LSM3: variants seen among roughly 807,000 people sequenced by gnomAD.
LSM3 encodes the protein U6 snRNA-associated Sm-like protein LSm3.
LSM3 carries 14 observed loss-of-function variants against 15.4 expected under a neutral mutation model. The ratio of observed to expected loss-of-function variants is 0.91; its 90% CI spans 0.60 to 1.42. The LOEUF is 1.42. Ranked by LOEUF, LSM3 falls within the 40% of genes most tolerant of loss-of-function variation. LSM3 has a pLI of 0.00. For missense variants in LSM3, 88 were observed against 127.9 expected (o/e 0.69, Z 1.50); for synonymous variants, 46 against 45.1 (o/e 1.02, Z -0.08).
intron 3 of LSM3, among the ~76,000 whole-genome samples, chr3:14,186,604 A>T (rs894365009): frequency 2.0e-5 from 3 of 151,924 alleles, no homozygotes; most frequent in Admixed American, 6.6e-5. Context: ...TTCTTTTTTT[A>T]AAATTTTTAC....
intron 2 of LSM3, among the ~76,000 whole-genome samples, chr3:14,183,423 G>A (rs1697058415): frequency 6.6e-6 from 1 of 152,196 alleles, no homozygotes; most frequent in South Asian, 2.1e-4. Context: ...TGGGCAGGGT[G>A]TTGCTCTACT....
intron 3 of LSM3, among the ~76,000 whole-genome samples, chr3:14,192,347 T>A (rs1236417937): frequency 6.6e-6 from 1 of 152,224 alleles, no homozygotes; most frequent in East Asian, 1.9e-4. Context: ...GTTAATTTTC[T>A]GTCTCGTTGA....
At chr3:14,181,702 A>C (rs1259766789) in intron 2 of LSM3, 32 bp downstream of exon 2, 1 of 1,454,482 alleles carries the variant, frequency 6.9e-7, no homozygotes. Context: ...CCTTGAAATC[A>C]GATTCCTTCC....
chr3:14,185,262 G>C (rs1697078073), intron 3 of LSM3, among the ~76,000 whole-genome samples: 1 of 152,150 alleles, frequency 6.6e-6, no homozygotes, highest in East Asian at 1.9e-4. Flanking sequence ...TGAGGCAGGA[G>C]AATCACTTGA....
chr3:14,184,137 A>G, intron 3 of LSM3, 105 bp downstream of exon 3: 1 of 1,388,398 alleles, frequency 7.2e-7, no homozygotes, highest in Non-Finnish European at 9.5e-7. Context: ...ACACCTACTT[A>G]TGGACTCAGT....
intron 3 of LSM3, among the ~76,000 whole-genome samples, chr3:14,187,333 T>C (rs1268726592): frequency 1.3e-5 from 2 of 152,262 alleles, no homozygotes; most frequent in African/African-American, 4.8e-5. Flanking sequence ...GCTGCGTGCA[T>C]GTGGCCTCTC....
chr3:14,180,131 G>A (rs904154370), intron 1 of LSM3, among the ~76,000 whole-genome samples: 1 of 152,120 alleles, frequency 6.6e-6, no homozygotes, highest in Non-Finnish European at 1.5e-5. Flanking sequence ...TACTGAAGAA[G>A]CTCTCCTTGA....
Position 14,192,386 on chromosome 3 carries a change from A to G in LSM3, c.229-5650A>G, listed in dbSNP as rs533302222. Reference sequence around the variant, plus strand: ...GTCTGATATTGACAGTGGGGTGTTAAAGTCTCCCGCAATTATTGTGTGGGA... The same window carrying G: ...GTCTGATATTGACAGTGGGGTGTTAGAGTCTCCCGCAATTATTGTGTGGGA... On this transcript the variant is annotated intron_variant, in intron 3 of 3. Transcript: ENST00000306024. Among the ~76,000 whole-genome samples, 12 of 152,272 alleles carry G rather than the reference A, an allele frequency of 7.9e-5. No homozygotes were observed. In the South Asian group the frequency reaches 8.3e-4, roughly 11 times the overall value.
chr3:14,184,758 A>C (rs1697071868), intron 3 of LSM3, among the ~76,000 whole-genome samples: 1 of 147,264 alleles, frequency 6.8e-6, no homozygotes, highest in Non-Finnish European at 1.5e-5. Flanking sequence ...CTCCGTCTCA[A>C]AAAAAAAAAA....
intron 3 of LSM3, among the ~76,000 whole-genome samples, chr3:14,192,876 G>A (rs1366602861): frequency 6.6e-6 from 1 of 152,198 alleles, no homozygotes; most frequent in Non-Finnish European, 1.5e-5. Context: ...TAGTGTCAAT[G>A]TTATTTACAA....
intron 2 of LSM3, among the ~76,000 whole-genome samples, chr3:14,182,755 C>T (rs1697051646): frequency 6.6e-6 from 1 of 152,088 alleles, no homozygotes; most frequent in Admixed American, 6.5e-5. Context: ...TTATAACAAC[C>T]CTATGATGAT....
intron 1 of LSM3, among the ~76,000 whole-genome samples, chr3:14,180,099 T>G (rs904144584): frequency 6.6e-6 from 1 of 152,108 alleles, no homozygotes; most frequent in Non-Finnish European, 1.5e-5. Flanking sequence ...TCAGTTACCT[T>G]CCTCCACTGG....
chr3:14,186,127 TCTCGAACTCCTGGC>T (rs1697087114), intron 3 of LSM3, among the ~76,000 whole-genome samples: 2 of 152,200 alleles, frequency 1.3e-5, no homozygotes, highest in South Asian at 4.1e-4. Context: ...GCCAGGCTGG[TCTCGAACTCCTGGC>T]CTCCCAAAGT....
At chr3:14,197,878 T>C (rs1334132059) in intron 3 of LSM3, among the ~76,000 whole-genome samples, 158 bp from the exon 4 acceptor site, 1 of 152,234 alleles carries the variant, frequency 6.6e-6, no homozygotes, top group Admixed American at 6.5e-5. Flanking sequence ...AAGGAAGCAG[T>C]TGATGGATTG....
intron 3 of LSM3, 60 bp from the exon 4 acceptor site, chr3:14,197,976 C>T: frequency 7.2e-7 from 1 of 1,386,912 alleles, no homozygotes; most frequent in Non-Finnish European, 1.0e-6. Flanking sequence ...ATTTCTGTCA[C>T]AAACAATAAG....
chr3:14,189,924 G>C (rs1330086995), intron 3 of LSM3, among the ~76,000 whole-genome samples: 1 of 152,142 alleles, frequency 6.6e-6, no homozygotes, highest in African/African-American at 2.4e-5. Flanking sequence ...GATGTTTATG[G>C]TCCTAGGTCT....
Position 14,185,105 on chromosome 3 carries a change from C to T in LSM3, c.228+1073C>T, listed in dbSNP as rs571498448. ...GTGGCTCATGCCTGCAATCCCACCA[C>T]TTTGGGAGGCCAAAGCGGGTGGATC... On this transcript the variant is annotated intron_variant, in intron 3 of 3. Coordinates refer to ENST00000306024, the MANE Select transcript of LSM3 (RefSeq NM_014463.3). 1.4e-3 allele frequency among the ~76,000 whole-genome samples: 214 copies of T among 152,124 alleles called. 1 individual carries two copies. Among genetic ancestry groups the T allele is most frequent in the Non-Finnish European group, 2.0e-3 (133 of 67,998 alleles).
intron 3 of LSM3, among the ~76,000 whole-genome samples, chr3:14,191,796 A>T (rs1697142457): frequency 6.6e-6 from 1 of 150,580 alleles, no homozygotes; most frequent in Non-Finnish European, 1.5e-5. Context: ...TTCTGGTCTG[A>T]TCTTGGTTAT....
intron 3 of LSM3, among the ~76,000 whole-genome samples, chr3:14,187,258 C>G (rs2733542): frequency 0.42 from 64,054 of 151,982 alleles, 14,071 homozygotes; most frequent in Non-Finnish European, 0.48. Flanking sequence ...TAGTTACTGA[C>G]CTCCATTAAG....
Sources: allele counts gnomAD v4.1 joint callset (sites outside exome capture counted in the v4.1 genomes callset), GRCh38; gene constraint gnomAD v4.1.1; transcripts MANE v1.5; gene names NCBI Gene and HGNC (gene_info 2026-07-23, HGNC 2026-07-21).